Variants in ZNF804B observed in about 807,000 individuals in gnomAD.
The protein encoded by ZNF804B is zinc finger 804B.
A neutral mutation model predicts 101.4 loss-of-function variants in ZNF804B; 80 were observed. The observed-to-expected ratio is 0.79, with a 90% CI of 0.66 to 0.95. The LOEUF (loss-of-function observed/expected upper bound fraction) is 0.95, where lower values mean the gene tolerates loss of function less well. Ranked by LOEUF, ZNF804B falls within the 40% of genes least tolerant of loss-of-function variation. The pLI, the probability that ZNF804B is intolerant of heterozygous loss-of-function variation, is 0.00. For missense variants in ZNF804B, 1,673 were observed against 1,561.9 expected, an observed-to-expected ratio of 1.07 and a Z score of -1.20; for synonymous variants, 622 against 558.8, an observed-to-expected ratio of 1.11 and a Z score of -1.59.
intron 1 of ZNF804B, among the ~76,000 whole-genome samples, chr7:89,216,002 A>AAAAT (rs1026066630): frequency 1.2e-4 from 18 of 152,194 alleles, no homozygotes; most frequent in African/African-American, 4.1e-4. Flanking sequence ...AAGGACATGA[A>AAAAT]AAATAAATAA....
chr7:89,278,289 A>G (rs1327186534), intron 2 of ZNF804B, among the ~76,000 whole-genome samples: 1 of 151,584 alleles, frequency 6.6e-6, no homozygotes, highest in Non-Finnish European at 1.5e-5. Context: ...AATTTCTCCC[A>G]TTTTGTAGGT....
At chr7:89,085,483 A>G (rs1240391418) in intron 1 of ZNF804B, among the ~76,000 whole-genome samples, 1 of 151,772 alleles carries the variant, frequency 6.6e-6, no homozygotes, top group Admixed American at 6.6e-5. Flanking sequence ...ATTGCTCCCC[A>G]AGTCTGCTAT....
intron 1 of ZNF804B, among the ~76,000 whole-genome samples, chr7:89,216,046 A>G (rs57063185): frequency 0.12 from 18,550 of 152,156 alleles, 1,199 homozygotes; most frequent in Middle Eastern, 0.25. Flanking sequence ...GCTCACGCCT[A>G]TAATGCCAGT....
At chr7:89,193,386 T>C (rs536553698) in intron 1 of ZNF804B, among the ~76,000 whole-genome samples, 2 of 151,330 alleles carry the variant, frequency 1.3e-5, no homozygotes, top group South Asian at 4.3e-4. Context: ...CATGTATACA[T>C]GTGCCATGCT....
At position 89,171,351 on chromosome 7, in the gene ZNF804B, T is replaced by TC. The variant is rs1236055161; in HGVS notation, c.109-46803dup. On this transcript the variant is annotated intron_variant, in intron 1 of 3. Transcript: ENST00000333190. Reference sequence around the variant, plus strand: ...TTCTTCTTCTTCTTCTTCTTCTTCTTCTTCTTCCTCCTCTTCCTCTTCTTC... The same window carrying TC: ...TTCTTCTTCTTCTTCTTCTTCTTCTTCCTTCTTCCTCCTCTTCCTCTTCTTC... Among the ~76,000 whole-genome samples, 35 of 128,046 alleles carry TC rather than the reference T, an allele frequency of 2.7e-4. 1 individual carries two copies. Among genetic ancestry groups the TC allele is most frequent in the Admixed American group, 6.1e-4 (8 of 13,126 alleles). 84.0% of individuals were successfully genotyped at this position (128,046 alleles called of 152,430 possible).
At chr7:89,176,705 A>G (rs1267771110) in intron 1 of ZNF804B, among the ~76,000 whole-genome samples, 1 of 147,990 alleles carries the variant, frequency 6.8e-6, no homozygotes, top group African/African-American at 2.5e-5. Flanking sequence ...GAATAGTTTG[A>G]GTAGGATTGG....
chr7:88,845,320 C>CAA (rs1791357808), intron 1 of ZNF804B, among the ~76,000 whole-genome samples: 2 of 151,122 alleles, frequency 1.3e-5, no homozygotes, highest in East Asian at 2.0e-4. Flanking sequence ...CACACACACA[C>CAA]AATAACAACA....
intron 1 of ZNF804B, among the ~76,000 whole-genome samples, chr7:88,875,387 G>C (rs1318603149): frequency 6.6e-6 from 1 of 151,724 alleles, no homozygotes; most frequent in Non-Finnish European, 1.5e-5. Context: ...TTTTTGAAAG[G>C]ATCAACAAAA....
chr7:88,944,763 A>T (rs1272043062), intron 1 of ZNF804B, among the ~76,000 whole-genome samples: 1 of 151,862 alleles, frequency 6.6e-6, no homozygotes, highest in Non-Finnish European at 1.5e-5. Context: ...CAAAAACTGG[A>T]AATCTGAAAT....
At chr7:89,266,290 G>C (rs1789794795) in intron 2 of ZNF804B, among the ~76,000 whole-genome samples, 2 of 151,896 alleles carry the variant, frequency 1.3e-5, no homozygotes, top group African/African-American at 4.8e-5. Flanking sequence ...TCATCAGCCA[G>C]CTATGAAAAA....
chr7:88,870,625 G>T (rs1325493897), intron 1 of ZNF804B, among the ~76,000 whole-genome samples: 3 of 152,080 alleles, frequency 2.0e-5, no homozygotes, highest in Non-Finnish European at 4.4e-5. Context: ...GTAGCTGCAA[G>T]GGAGTCTTGA....
At chr7:89,322,028 A>G (rs559324763) in intron 2 of ZNF804B, among the ~76,000 whole-genome samples, 36 of 152,300 alleles carry the variant, frequency 2.4e-4, no homozygotes, top group African/African-American at 7.9e-4. Context: ...CTGAATATGT[A>G]TGCATCTGAT....
At chr7:88,787,963 T>G (rs1790326846) in intron 1 of ZNF804B, among the ~76,000 whole-genome samples, 3 of 152,162 alleles carry the variant, frequency 2.0e-5, no homozygotes, top group Admixed American at 2.0e-4. Context: ...TTGGATTGAT[T>G]GGCTGTCAAT....
At chr7:88,889,062 A>G (rs1338795042) in intron 1 of ZNF804B, among the ~76,000 whole-genome samples, 1 of 151,914 alleles carries the variant, frequency 6.6e-6, no homozygotes, top group Non-Finnish European at 1.5e-5. Context: ...CTGTTCCTGA[A>G]TTTTGCTTAG....
At chr7:88,916,630 C>T (rs910071770) in intron 1 of ZNF804B, among the ~76,000 whole-genome samples, 1 of 151,982 alleles carries the variant, frequency 6.6e-6, no homozygotes, top group Admixed American at 6.6e-5. Context: ...TAGAAGAATG[C>T]TTATTTAATA....
chr7:88,898,469 C>A (rs1792342811), intron 1 of ZNF804B, among the ~76,000 whole-genome samples: 1 of 151,806 alleles, frequency 6.6e-6, no homozygotes, highest in Non-Finnish European at 1.5e-5. Context: ...ACTTTGTTAT[C>A]CATGACGCCC....
intron 1 of ZNF804B, among the ~76,000 whole-genome samples, chr7:88,785,932 G>A (rs1437659724): frequency 1.3e-5 from 2 of 152,104 alleles, no homozygotes; most frequent in Admixed American, 6.6e-5. Context: ...GGAAACCATT[G>A]TAACTTGTAT....
intron 1 of ZNF804B, among the ~76,000 whole-genome samples, chr7:88,908,514 A>G (rs1188369915): frequency 1.3e-5 from 2 of 151,850 alleles, no homozygotes; most frequent in Non-Finnish European, 2.9e-5. Context: ...CTGACCAAAA[A>G]TACTTCTACC....
At chr7:89,070,904 T>C (rs990683600) in intron 1 of ZNF804B, among the ~76,000 whole-genome samples, 2 of 151,992 alleles carry the variant, frequency 1.3e-5, no homozygotes, top group African/African-American at 4.8e-5. Context: ...GTTATCAAGA[T>C]TTCAAAATAT....
Sources: gnomAD v4.1 joint callset for allele counts (sites outside exome capture counted in the v4.1 genomes callset) on GRCh38, gnomAD v4.1.1 for gene constraint, MANE v1.5 for transcripts, NCBI Gene and HGNC (gene_info 2026-07-23, HGNC 2026-07-21) for gene names.